The following STAU1 variants were observed in gnomAD, a reference collection of about 807,000 sequenced individuals.
The protein encoded by STAU1 is staufen double-stranded RNA binding protein 1, also known as double-stranded RNA-binding protein Staufen homolog 1.
A neutral mutation model predicts 62.9 loss-of-function variants in STAU1; 13 were observed. The observed-to-expected ratio is 0.21, with a 90% confidence interval of 0.13 to 0.33. The LOEUF (loss-of-function observed/expected upper bound fraction) is 0.33. STAU1 is among the 10% of genes least tolerant of loss of function. The pLI, the probability that STAU1 is intolerant of heterozygous loss-of-function variation, is 1.00. For synonymous variants in STAU1, 269 were observed against 265.1 expected, an observed-to-expected ratio of 1.01 and a Z score of -0.14; for missense variants, 571 against 712.1, an observed-to-expected ratio of 0.80 and a Z score of 2.25.
chr20:49,176,475 T>C (rs540651275), intron 1 of STAU1, among the ~76,000 whole-genome samples: 32 of 152,296 alleles, frequency 2.1e-4, no homozygotes, highest in African/African-American at 6.5e-4. Flanking sequence ...TGAGATGCTT[T>C]TATACATTCT....
chr20:49,154,814 G>C (rs978323172), intron 3 of STAU1, among the ~76,000 whole-genome samples: 1 of 151,788 alleles, frequency 6.6e-6, no homozygotes, highest in Admixed American at 6.6e-5. Context: ...TGCAGTGAGG[G>C]TGGCTCACAC....
At chr20:49,153,289 T>G (rs1405932967) in intron 4 of STAU1, among the ~76,000 whole-genome samples, 9 of 122,722 alleles carry the variant, frequency 7.3e-5, no homozygotes, top group African/African-American at 1.4e-4. Flanking sequence ...GGGCCGGGTG[T>G]GGTGGCTCAC....
chr20:49,195,904 A>AAAAAAAAAAAAAAAG, the STAU1 span, among the ~76,000 whole-genome samples: 3 of 95,364 alleles, frequency 3.1e-5, no homozygotes, highest in East Asian at 1.1e-3. Context: ...CTCTCAAAAA[A>AAAAAAAAAAAAAAAG]AAAAAAAAAA....
chr20:49,187,814 C>A (rs1161432985), intron 1 of STAU1, among the ~76,000 whole-genome samples: 7 of 128,580 alleles, frequency 5.4e-5, no homozygotes, highest in African/African-American at 1.9e-4. Context: ...CCGGGAATAA[C>A]TTCGGCATCC....
the STAU1 span, among the ~76,000 whole-genome samples, chr20:49,217,361 C>T: frequency 2.6e-5 from 4 of 152,014 alleles, no homozygotes; most frequent in African/African-American, 9.7e-5. Flanking sequence ...GAGTCCCACC[C>T]CAGGTACATG....
chr20:49,217,293 C>A, the STAU1 span, among the ~76,000 whole-genome samples: 163 of 152,204 alleles, frequency 1.1e-3, no homozygotes, highest in Non-Finnish European at 1.9e-3. Context: ...CTCACATGCG[C>A]CCCCTGCTGG....
At chr20:49,187,780 C>CCCT (rs2093807574) in intron 1 of STAU1, among the ~76,000 whole-genome samples, 1 of 55,680 alleles carries the variant, frequency 1.8e-5, no homozygotes, top group Non-Finnish European at 4.7e-5. Context: ...GGGACCCCCC[C>CCCT]CCCCCCCCGC....
Position 49,124,414 on chromosome 20 carries a change from T to C in STAU1, c.783A>G (p.Val261=). 1 of 1,614,240 alleles carries C rather than the reference T, an allele frequency of 6.2e-7. No individual in the cohort carries two copies. The highest frequency in any genetic ancestry group is 1.1e-5 in the South Asian group (1 of 91,088). Residue 261 remains valine (V), a synonymous_variant, in exon 7 of 14, where the codon GTA becomes GTG. Transcript: ENST00000371856. ...TTGTTTTCTTTTTGATTCTAGGCTT[T>C]ACTCGTTCAACTGCAGGCAGGGGCG... ...KLPPLPAVER[V]KPRIKKKTKP...
chr20:49,216,324 G>A, the STAU1 span, among the ~76,000 whole-genome samples: 1 of 151,940 alleles, frequency 6.6e-6, no homozygotes, highest in African/African-American at 2.4e-5. Context: ...TCAGGAGCTC[G>A]AGACCAACCT....
the STAU1 span, among the ~76,000 whole-genome samples, chr20:49,201,633 TCAGGAGGCTGACG>T: frequency 6.6e-6 from 1 of 151,352 alleles, no homozygotes; most frequent in South Asian, 2.1e-4. Context: ...TTCCAGCTAT[TCAGGAGGCTGACG>T]CAGTAGAATC....
intron 13 of STAU1, among the ~76,000 whole-genome samples, chr20:49,115,227 G>C (rs984498569): frequency 5.3e-5 from 8 of 152,062 alleles, no homozygotes; most frequent in African/African-American, 2.4e-5. Flanking sequence ...GATGGGGGCT[G>C]TCCGAGGGGA....
chr20:49,134,549 A>C, intron 6 of STAU1: 1 of 1,289,246 alleles, frequency 7.8e-7, no homozygotes, highest in Non-Finnish European at 1.1e-6. Flanking sequence ...ACTGTTACCT[A>C]TCAGAAGTCA....
chr20:49,117,892 G>A lies in STAU1; in HGVS notation c.1394C>T (p.Ser465Leu), dbSNP rs1453534939. The change falls in exon 11 of 14, where the codon TCG becomes TTG. Residue 465 changes from serine to leucine, a missense_variant. Ser to Leu is a moderately radical substitution (Grantham distance 145). Transcript: ENST00000371856. This position sits in a 1 kb window ranked among gnomAD's most constrained non-coding sequence, Gnocchi z 4.6. ...IARELLYGGT[S>L]PTAETILKNN... ...CTTTAAAATGGTCTCGGCTGTGGGC[G>A]AGGTGCCCCCATACAACAACTCTCG... The A allele has an allele frequency of 1.1e-5, 18 of 1,614,070 alleles. No individual in the cohort carries two copies. Among genetic ancestry groups the A allele is most frequent in the African/African-American group, 2.7e-5 (2 of 74,918 alleles).
intron 3 of STAU1, among the ~76,000 whole-genome samples, chr20:49,165,625 G>A (rs574002191): frequency 4.6e-5 from 7 of 152,272 alleles, no homozygotes; most frequent in African/African-American, 2.4e-5. Context: ...CGTGAGCCAC[G>A]GCACCTGGCT....
the STAU1 span, among the ~76,000 whole-genome samples, chr20:49,208,754 G>A: frequency 6.6e-6 from 1 of 151,380 alleles, no homozygotes; most frequent in Non-Finnish European, 1.5e-5. Flanking sequence ...CGAGTAGGTG[G>A]GACTACAGGT....
intron 3 of STAU1, among the ~76,000 whole-genome samples, chr20:49,162,692 C>T (rs559024590): frequency 2.7e-5 from 4 of 150,854 alleles, no homozygotes; most frequent in Admixed American, 1.3e-4. Flanking sequence ...AGGAGAATGG[C>T]GTGAACCCGG....
chr20:49,124,318 A>AC (rs2092540270), intron 7 of STAU1, 57 bp downstream of exon 7: 2 of 1,565,204 alleles, frequency 1.3e-6, no homozygotes, highest in South Asian at 1.1e-5. Context: ...AGCCTTCTAA[A>AC]CCCCCCACCC....
Position 49,117,342 on chromosome 20 carries a change from A to T in STAU1, c.1510-94T>A. The T allele has an allele frequency of 6.7e-7, 1 of 1,496,464 alleles. No homozygotes were observed. The highest frequency in any genetic ancestry group is 9.1e-7 in the Non-Finnish European group (1 of 1,097,338). The allele number at this position is 1,496,464 out of a possible 1,614,324, so 92.7% of individuals were successfully genotyped here. A position where few individuals can be genotyped will look rare whatever the true frequency, so the allele number is the denominator to read the frequency against. On this transcript the variant is annotated intron_variant, in intron 11 of 13. Transcript: ENST00000371856. The surrounding 1 kb of genome is among the most constrained non-coding windows in gnomAD (Gnocchi z 4.6). ...TCCAGGCCCCACAAGCAAGATCACCAGCTCTTTTTTCCAACTCAGCCCCAC... is the reference window on the plus strand; with the variant it reads ...TCCAGGCCCCACAAGCAAGATCACCTGCTCTTTTTTCCAACTCAGCCCCAC...
chr20:49,134,449 A>AAAAAAAAAAAAAAAAAAAGGT, intron 6 of STAU1: 1 of 609,626 alleles, frequency 1.6e-6, no homozygotes, highest in Non-Finnish European at 2.9e-6. Context: ...AAAAAAAAAA[A>AAAAAAAAAAAAAAAAAAAGGT]GCTCTGGGTT....
Sources: gnomAD v4.1 joint callset for allele counts (sites outside exome capture counted in the v4.1 genomes callset) on GRCh38, gnomAD v4.1.1 for gene constraint, Gnocchi (gnomAD v3.1) non-coding constraint, MANE v1.5 for transcripts, NCBI Gene and HGNC (gene_info 2026-07-23, HGNC 2026-07-21) for gene names.